The following DDAH1 variants were observed in gnomAD, a reference collection of about 807,000 sequenced individuals.
DDAH1 encodes the protein dimethylarginine dimethylaminohydrolase 1, also known as N(G),N(G)-dimethylarginine dimethylaminohydrolase 1.
Under a neutral mutation model 28.8 loss-of-function variants are expected in DDAH1, and 19 were observed. The observed-to-expected ratio is 0.66, with a 90% CI of 0.46 to 0.97. The LOEUF is 0.97. DDAH1 is among the 50% of genes least tolerant of loss of function. DDAH1 has a pLI of 0.00. For missense variants in DDAH1, 326 were observed against 375.9 expected (o/e 0.87, Z 1.10); for synonymous variants, 153 against 154.4 (o/e 0.99, Z 0.07).
chr1:85,415,238 A>T (rs1652839965), intron 1 of DDAH1, among the ~76,000 whole-genome samples: 1 of 151,572 alleles, frequency 6.6e-6, no homozygotes, highest in Non-Finnish European at 1.5e-5. Flanking sequence ...ATGGTCTCAA[A>T]CTCCTGACCT....
chr1:85,333,338 A>G (rs1267151280), intron 4 of DDAH1, among the ~76,000 whole-genome samples: 2 of 152,224 alleles, frequency 1.3e-5, no homozygotes, highest in Non-Finnish European at 2.9e-5. Context: ...GTCTTCCCCT[A>G]TGAAAACCAA....
intron 1 of DDAH1, among the ~76,000 whole-genome samples, chr1:85,438,913 T>C (rs1009665690): frequency 6.6e-6 from 1 of 152,132 alleles, no homozygotes; most frequent in African/African-American, 2.4e-5. Flanking sequence ...TATAACAGGA[T>C]GGTAATTAAA....
At chr1:85,534,903 G>T (rs2773147) in intron 1 of DDAH1, among the ~76,000 whole-genome samples, 1 of 152,126 alleles carries the variant, frequency 6.6e-6, no homozygotes, top group African/African-American at 2.4e-5. Flanking sequence ...CCCAGTAAAG[G>T]TTCCTGTGAC....
chr1:85,471,061 G>A (rs547841601), intron 2 of DDAH1, among the ~76,000 whole-genome samples: 3 of 151,460 alleles, frequency 2.0e-5, no homozygotes, highest in African/African-American at 4.9e-5. Context: ...CATCACCTGC[G>A]ATCCCATTTT....
intron 2 of DDAH1, among the ~76,000 whole-genome samples, chr1:85,480,088 C>A (rs984070694): frequency 8.5e-5 from 13 of 152,162 alleles, no homozygotes; most frequent in African/African-American, 3.1e-4. Context: ...GGAGAAGTAA[C>A]CCACTGTGGA....
rs936974500 is a variant in DDAH1, at chr1:85,502,663, C to T, written c.-122-6382G>A. On this transcript the variant is annotated intron_variant, in intron 1 of 6. Coordinates refer to the DDAH1 transcript ENST00000426972. Reference sequence around the variant, plus strand: ...CACCACTGCTGCTTCCACCTATCCCCACCGCCACCACCACTGCCATTGTTT... The same window carrying T: ...CACCACTGCTGCTTCCACCTATCCCTACCGCCACCACCACTGCCATTGTTT... Among the ~76,000 whole-genome samples the T allele has an allele frequency of 1.1e-4, 17 of 152,282 alleles. 1 individual carries two copies. The highest frequency in any genetic ancestry group is 2.6e-4 in the African/African-American group (11 of 41,558).
intron 1 of DDAH1, among the ~76,000 whole-genome samples, chr1:85,577,025 C>G (rs902016238): frequency 6.6e-6 from 1 of 152,036 alleles, no homozygotes; most frequent in African/African-American, 2.4e-5. Flanking sequence ...AAGACTTTCA[C>G]CAAATATGGG....
In DDAH1 at chr1:85,402,335, ATTTC is replaced by A. The variant is rs542930485; in HGVS notation, c.304-43492_304-43489del. 2.1e-4 allele frequency among the ~76,000 whole-genome samples: 32 copies of A among 151,998 alleles called. No individual in the cohort carries two copies. The East Asian group carries it at 5.8e-3, about 28-fold the overall frequency. On this transcript the variant is annotated intron_variant, in intron 1 of 5. Coordinates refer to ENST00000284031, the MANE Select transcript of DDAH1 (RefSeq NM_012137.4). The stretch of plus-strand genomic sequence containing the variant: ...CAGTCTTTTAAAAAATCTGCCTCCA[ATTTC>A]TTTCTTCTAGCCAGGGTCTAAGTGT...
upstream of DDAH1, chr1:85,465,291 G>A (rs976572141): frequency 1.6e-5 from 14 of 876,986 alleles, no homozygotes; most frequent in South Asian, 5.2e-5. Flanking sequence ...CAGCCCAGGC[G>A]GGAGTTGTAG....
intron 1 of DDAH1, among the ~76,000 whole-genome samples, chr1:85,564,771 G>A (rs977761263): frequency 2.0e-5 from 3 of 151,920 alleles, no homozygotes; most frequent in Admixed American, 1.3e-4. Flanking sequence ...TCAGGAGGCT[G>A]AGGCATGAGA....
chr1:85,393,478 T>C (rs1651661388), intron 1 of DDAH1, among the ~76,000 whole-genome samples: 1 of 152,232 alleles, frequency 6.6e-6, no homozygotes, highest in African/African-American at 2.4e-5. Context: ...CCTATTGTAC[T>C]AAATTGGTCT....
chr1:85,464,481 C>T lies in DDAH1; in HGVS notation c.303+262G>A. 1 of 1,515,666 alleles carries T rather than the reference C, an allele frequency of 6.6e-7. No homozygotes were observed. Among genetic ancestry groups the T allele is most frequent in the Non-Finnish European group, 8.8e-7 (1 of 1,134,388 alleles). The allele number at this position is 1,515,666 out of a possible 1,614,324, so 93.9% of individuals were successfully genotyped here. Reference sequence around the variant, plus strand: ...AATAAAAATGCCCGTGAGACGGAATCCCCCGCCCACCCACCTGCCCGAGAC... The same window carrying T: ...AATAAAAATGCCCGTGAGACGGAATTCCCCGCCCACCCACCTGCCCGAGAC... On this transcript the variant is annotated intron_variant, in intron 1 of 5. Coordinates refer to ENST00000284031, the MANE Select transcript of DDAH1 (RefSeq NM_012137.4). The surrounding 1 kb of genome is among the most constrained non-coding windows in gnomAD (Gnocchi z 4.4).
intron 1 of DDAH1, among the ~76,000 whole-genome samples, chr1:85,388,955 T>G (rs937632201): frequency 1.3e-5 from 2 of 152,170 alleles, no homozygotes; most frequent in Admixed American, 6.6e-5. Context: ...ATTAAACAAC[T>G]TGGTTCAAAT....
intron 1 of DDAH1, among the ~76,000 whole-genome samples, chr1:85,551,184 G>T (rs553075196): frequency 5.1e-4 from 78 of 152,152 alleles, no homozygotes; most frequent in Non-Finnish European, 9.3e-4. Context: ...ACAATCCAGG[G>T]GACTACATGG....
chr1:85,474,017 C>T (rs887031656), intron 2 of DDAH1, among the ~76,000 whole-genome samples: 3 of 152,230 alleles, frequency 2.0e-5, no homozygotes, highest in Non-Finnish European at 4.4e-5. Flanking sequence ...CACAGCTCAT[C>T]ATATCCTGCC....
chr1:85,460,769 G>C (rs911368660), intron 1 of DDAH1, among the ~76,000 whole-genome samples: 1 of 152,184 alleles, frequency 6.6e-6, no homozygotes, highest in Non-Finnish European at 1.5e-5. Flanking sequence ...TGGTTAGGCA[G>C]GTGCAAGAGT....
At chr1:85,508,303 A>C (rs779148902) in intron 1 of DDAH1, among the ~76,000 whole-genome samples, 10 of 152,222 alleles carry the variant, frequency 6.6e-5, no homozygotes, top group Non-Finnish European at 1.2e-4. Context: ...ATTTTCCCTC[A>C]TCAAGTAGAT....
chr1:85,530,071 G>A (rs1257826581), intron 1 of DDAH1, among the ~76,000 whole-genome samples: 3 of 107,962 alleles, frequency 2.8e-5, no homozygotes, highest in African/African-American at 8.0e-5. Flanking sequence ...GGTACCCAGG[G>A]TCTGAAAAAA....
intron 1 of DDAH1, among the ~76,000 whole-genome samples, chr1:85,525,567 T>TCACACACACACACACACA (rs3058870): frequency 0.038 from 5,656 of 148,998 alleles, 319 homozygotes; most frequent in African/African-American, 0.12. Flanking sequence ...AGAATGATAT[T>TCACACACACACACACACA]CACACACACA....
Sources: gnomAD v4.1 joint callset for allele counts (sites outside exome capture counted in the v4.1 genomes callset) on GRCh38, gnomAD v4.1.1 for gene constraint, Gnocchi (gnomAD v3.1) non-coding constraint, MANE v1.5 for transcripts, NCBI Gene and HGNC (gene_info 2026-07-23, HGNC 2026-07-21) for gene names.